ZNF292: variants seen among roughly 807,000 people sequenced by gnomAD.
The protein encoded by ZNF292 is 16 zinc-finger domain protein.
ZNF292 carries 26 observed loss-of-function variants against 217.9 expected under a neutral mutation model. That is an observed-to-expected ratio of 0.12 (90% confidence interval 0.09 to 0.17). The LOEUF is 0.17. Ranked by LOEUF, ZNF292 falls within the 10% of genes least tolerant of loss-of-function variation. The pLI is 1.00. For synonymous variants in ZNF292, 1,257 were observed against 1,124.1 expected, an observed-to-expected ratio of 1.12 and a Z score of -2.37; for missense variants, 2,904 against 3,175.2, an observed-to-expected ratio of 0.91 and a Z score of 2.05.
intron 6 of ZNF292, among the ~76,000 whole-genome samples, chr6:87,244,393 A>G (rs1368507712): frequency 6.6e-6 from 1 of 152,246 alleles, no homozygotes; most frequent in African/African-American, 2.4e-5. Flanking sequence ...CAAGTGTAAT[A>G]GGTTTTCTAG....
intron 6 of ZNF292, among the ~76,000 whole-genome samples, chr6:87,244,154 T>C (rs972267172): frequency 6.6e-6 from 1 of 152,202 alleles, no homozygotes; most frequent in African/African-American, 2.4e-5. Context: ...ATTTGATTTA[T>C]AAAATTCCAA....
chr6:87,163,345 G>A (rs1043247824), intron 1 of ZNF292, among the ~76,000 whole-genome samples: 2 of 152,036 alleles, frequency 1.3e-5, no homozygotes, highest in African/African-American at 4.8e-5. Context: ...CAGCTACTCA[G>A]GAGGCTGAGG....
chr6:87,164,923 C>T (rs919368717), intron 1 of ZNF292, among the ~76,000 whole-genome samples: 13 of 143,550 alleles, frequency 9.1e-5, no homozygotes, highest in Admixed American at 1.5e-4. Flanking sequence ...CCACCATGCC[C>T]GTCTAATTTT....
At chr6:87,184,106 A>C (rs534742522) in intron 1 of ZNF292, among the ~76,000 whole-genome samples, 1 of 152,250 alleles carries the variant, frequency 6.6e-6, no homozygotes, top group Non-Finnish European at 1.5e-5. Flanking sequence ...ACTAAAATGC[A>C]TATAACGAAT....
chr6:87,210,134 TC>T (rs1772420939), intron 1 of ZNF292, among the ~76,000 whole-genome samples: 1 of 152,176 alleles, frequency 6.6e-6, no homozygotes. Flanking sequence ...ATACTCTTTC[TC>T]CCTAAAGCAT....
At position 87,257,836 on chromosome 6, in the gene ZNF292, C is replaced by T; in HGVS notation, c.4207C>T (p.Leu1403=). Residue 1403 remains leucine (L), a synonymous_variant, in exon 8 of 8, where the codon CTG becomes TTG. Transcript: ENST00000369577. ...HLSKRSYCKP[L]DGAEIAQELL... is the part of the protein sequence containing the mutation. ...ATCCAAGCGATCTTACTGTAAACCA[C>T]TGGATGGAGCCGAAATTGCTCAAGA... The T allele has an allele frequency of 6.2e-7, 1 of 1,613,868 alleles. No homozygotes were observed. Among genetic ancestry groups the T allele is most frequent in the Non-Finnish European group, 8.5e-7 (1 of 1,179,804 alleles).
intron 1 of ZNF292, among the ~76,000 whole-genome samples, chr6:87,156,096 T>TTCC (rs1388663341): frequency 1.3e-5 from 2 of 152,154 alleles, no homozygotes; most frequent in African/African-American, 2.4e-5. Context: ...CCAGGTTCTC[T>TTCC]TCCTCCTCCT....
At chr6:87,164,762 CT>C (rs36077738) in intron 1 of ZNF292, among the ~76,000 whole-genome samples, 13,782 of 128,154 alleles carry the variant, frequency 0.11, 679 homozygotes, top group Middle Eastern at 0.15. Context: ...GGAATGACCT[CT>C]TTTTTTTTTT....
intron 5 of ZNF292, among the ~76,000 whole-genome samples, chr6:87,241,970 A>G (rs1162834553): frequency 6.6e-6 from 1 of 152,176 alleles, no homozygotes; most frequent in Non-Finnish European, 1.5e-5. Flanking sequence ...ATTATTTTCA[A>G]CTTAGGATGG....
Position 87,155,639 on chromosome 6 carries a change from C to A in ZNF292, c.48C>A (p.Gly16=), listed in dbSNP as rs370959721. The change falls in exon 1 of 8, where the codon GGC becomes GGA. Residue 16 remains glycine, a synonymous_variant. Coordinates refer to ENST00000369577, the MANE Select transcript of ZNF292 (RefSeq NM_015021.3). The stretch of plus-strand genomic sequence containing the variant: ...AGGAGAGGTTGAGTTGCGGCGAAGG[C>A]GGCTGCGTCGCGGAGCTGCAGCGCC... The part of the protein sequence containing the change: ...AEQERLSCGE[G]GCVAELQRLG... 145 of 1,581,984 alleles carry A rather than the reference C, an allele frequency of 9.2e-5. No individual in the cohort carries two copies. The highest frequency in any genetic ancestry group is 1.1e-4 in the Non-Finnish European group (133 of 1,165,714).
intron 1 of ZNF292, among the ~76,000 whole-genome samples, chr6:87,211,035 T>C (rs950380058): frequency 4.6e-5 from 7 of 152,350 alleles, no homozygotes; most frequent in East Asian, 3.9e-4. Context: ...AAAACATCCA[T>C]GAGCCACTAG....
rs1395658492 is a variant in ZNF292, at chr6:87,260,156, T to G, written c.6527T>G (p.Val2176Gly). Residue 2176 changes from valine to glycine, a missense_variant, in exon 8 of 8, where the codon GTA becomes GGA. By Grantham distance (109) the Val-to-Gly change is moderately radical. Around this residue, in one of 15 missense-constraint regions of ZNF292, gnomAD observed 261 missense variants for 272.8 expected, o/e 0.96. Coordinates refer to ENST00000369577, the MANE Select transcript of ZNF292 (RefSeq NM_015021.3). ...ACTTTGAAAGAATTTCGATGTCAGG[T>G]AAGTGACTGTTCTCGAATTTTCCAA... Reference protein sequence around the residue: ...KQTLKEFRCQVSDCSRIFQAI... With the variant: ...KQTLKEFRCQGSDCSRIFQAI... 6.2e-7 allele frequency: 1 copy of G among 1,613,030 alleles called. No homozygotes were observed. The highest frequency in any genetic ancestry group is 8.5e-7 in the Non-Finnish European group (1 of 1,179,224).
chr6:87,195,757 G>T (rs1016141060), intron 1 of ZNF292, among the ~76,000 whole-genome samples: 1 of 152,056 alleles, frequency 6.6e-6, no homozygotes, highest in African/African-American at 2.4e-5. Flanking sequence ...GCAGGGCGTG[G>T]TGGCTCACAT....
chr6:87,169,864 T>A, intron 1 of ZNF292: 1 of 227,520 alleles, frequency 4.4e-6, no homozygotes, highest in Non-Finnish European at 9.3e-6. Context: ...CCCAGACTGG[T>A]CTTGATCTCC....
chr6:87,178,421 A>G (rs1024100936), intron 1 of ZNF292, among the ~76,000 whole-genome samples: 15 of 152,232 alleles, frequency 9.9e-5, no homozygotes, highest in African/African-American at 3.6e-4. Flanking sequence ...TTCTTATTTC[A>G]TCTCATTTCT....
intron 1 of ZNF292, among the ~76,000 whole-genome samples, chr6:87,184,814 G>T (rs1771590976): frequency 6.6e-6 from 1 of 152,152 alleles, no homozygotes; most frequent in Non-Finnish European, 1.5e-5. Flanking sequence ...GACCCTGAGG[G>T]GCTGCTTAGT....
intron 1 of ZNF292, among the ~76,000 whole-genome samples, chr6:87,198,270 C>T (rs1266467587): frequency 4.0e-5 from 6 of 151,814 alleles, no homozygotes; most frequent in African/African-American, 9.7e-5. Flanking sequence ...AGTGGCGTGA[C>T]CTCAGCTCAC....
intron 7 of ZNF292, among the ~76,000 whole-genome samples, chr6:87,247,632 C>T: frequency 6.6e-6 from 1 of 152,104 alleles, no homozygotes; most frequent in East Asian, 1.9e-4. Flanking sequence ...GACATATTGT[C>T]AACACAGGCG....
At chr6:87,241,858 G>C (rs990273388) in intron 5 of ZNF292, among the ~76,000 whole-genome samples, 1 of 152,174 alleles carries the variant, frequency 6.6e-6, no homozygotes, top group Non-Finnish European at 1.5e-5. Context: ...TGCGAAAGTG[G>C]TACACATTCA....
Sources: gnomAD v4.1 joint callset for allele counts (sites outside exome capture counted in the v4.1 genomes callset) on GRCh38, gnomAD v4.1.1 for gene constraint, gnomAD v4.1.1 regional missense constraint, MANE v1.5 for transcripts, NCBI Gene and HGNC (gene_info 2026-07-23, HGNC 2026-07-21) for gene names.